The following TBL1X variants were observed in gnomAD, a reference collection of about 807,000 sequenced individuals.
TBL1X encodes transducin beta like 1 X-linked.
Under a neutral mutation model 50.7 loss-of-function variants are expected in TBL1X, and 10 were observed. That is an observed-to-expected ratio of 0.20 (90% CI 0.12 to 0.33). The LOEUF is 0.33. Ranked by LOEUF, TBL1X falls within the 10% of genes least tolerant of loss-of-function variation. The probability of loss-of-function intolerance (pLI) is 1.00; values close to 1 mark genes in which losing one functional copy is unlikely to be tolerated. For missense variants in TBL1X, 340 were observed against 504.4 expected (o/e 0.67, Z 3.12); for synonymous variants, 190 against 214.7 (o/e 0.88, Z 1.01).
chrX:9,716,414 A>G lies in TBL1X; in HGVS notation c.*168A>G. ...TCTATATGTTTTCGTAATCTTCATCAAGAAGTTTTTAAAAGGCAAGCAAAA... is the reference window on the plus strand; with the variant it reads ...TCTATATGTTTTCGTAATCTTCATCGAGAAGTTTTTAAAAGGCAAGCAAAA... On this transcript the variant is annotated 3_prime_UTR_variant, in exon 18 of 18. Transcript: ENST00000645353. The G allele has an allele frequency of 2.0e-6, 1 of 498,785 alleles. No homozygotes were observed. Among genetic ancestry groups the G allele is most frequent in the Non-Finnish European group, 3.2e-6 (1 of 314,645 alleles). The allele number at this position is 498,785 out of a possible 1,213,427, so 41.1% of individuals were successfully genotyped here. A position where few individuals can be genotyped will look rare whatever the true frequency, so the allele number is the denominator to read the frequency against.
chrX:9,618,882 T>C lies in TBL1X; in HGVS notation c.-130-21391T>C, dbSNP rs192089998. Among the ~76,000 whole-genome samples the C allele has an allele frequency of 1.6e-3, 178 of 111,783 alleles. 1 individual carries two copies. The highest frequency in any genetic ancestry group is 2.7e-3 in the Non-Finnish European group (144 of 53,195). On this transcript the variant is annotated intron_variant, in intron 2 of 17. Transcript: ENST00000645353. ...TCCACTTCATATTCCTTGGTAATAT[T>C]GAGACGCTGGTTGTAGTGAAAATAC...
chrX:9,631,102 A>G (rs1032276645), intron 2 of TBL1X, among the ~76,000 whole-genome samples: 1 of 111,499 alleles, frequency 9.0e-6, no homozygotes, highest in African/African-American at 3.3e-5. Context: ...CAGTTTCACA[A>G]TCTCGGCCTC....
intron 2 of TBL1X, among the ~76,000 whole-genome samples, chrX:9,558,617 C>T (rs1601756648): frequency 9.0e-6 from 1 of 110,959 alleles, no homozygotes; most frequent in East Asian, 2.8e-4. Context: ...AAGAAGTGAA[C>T]ATAGTGGTTA....
intron 1 of TBL1X, among the ~76,000 whole-genome samples, chrX:9,500,785 G>T (rs1045120120): frequency 6.2e-5 from 7 of 112,015 alleles, no homozygotes; most frequent in Non-Finnish European, 3.8e-5. Context: ...CCTAACGTCT[G>T]CCGGGGAAGG....
intron 1 of TBL1X, among the ~76,000 whole-genome samples, chrX:9,496,526 C>T (rs911677101): frequency 7.1e-5 from 8 of 112,846 alleles, no homozygotes; most frequent in Admixed American, 3.7e-4. Context: ...TAGATTGAAC[C>T]AAATGACACT....
chrX:9,571,801 C>T (rs1327938664), intron 2 of TBL1X, among the ~76,000 whole-genome samples: 1 of 111,950 alleles, frequency 8.9e-6, no homozygotes, highest in African/African-American at 3.3e-5. Context: ...AACTTGATGA[C>T]TCTGGATACC....
intron 2 of TBL1X, among the ~76,000 whole-genome samples, chrX:9,558,533 G>A (rs1271809868): frequency 4.7e-5 from 5 of 106,690 alleles, no homozygotes; most frequent in Non-Finnish European, 9.7e-5. Flanking sequence ...AAAAAGGAAG[G>A]AAAAAAAAAT....
intron 5 of TBL1X, among the ~76,000 whole-genome samples, chrX:9,655,270 G>A (rs1238138058): frequency 9.0e-6 from 1 of 110,887 alleles, no homozygotes; most frequent in African/African-American, 3.3e-5. Flanking sequence ...AGGTGTAGGC[G>A]GGTCGGTTCC....
intron 2 of TBL1X, among the ~76,000 whole-genome samples, chrX:9,557,310 C>T (rs989080236): frequency 8.9e-6 from 1 of 112,368 alleles, no homozygotes; most frequent in Non-Finnish European, 1.9e-5. Flanking sequence ...TACATATTTT[C>T]GAATGACGAG....
At chrX:9,527,709 T>A (rs987868201) in intron 2 of TBL1X, among the ~76,000 whole-genome samples, 1 of 111,146 alleles carries the variant, frequency 9.0e-6, no homozygotes, top group African/African-American at 3.3e-5. Context: ...AACATGTGAG[T>A]GACTGAGTGT....
chrX:9,685,279 G>A (rs1313862522), intron 6 of TBL1X, among the ~76,000 whole-genome samples: 4 of 111,581 alleles, frequency 3.6e-5, no homozygotes, highest in Non-Finnish European at 5.7e-5. Flanking sequence ...CTTTCTTGCC[G>A]CCTTCACCTG....
At chrX:9,709,820 TG>T in intron 15 of TBL1X, 60 bp downstream of exon 15, 4 of 1,179,167 alleles carry the variant, frequency 3.4e-6, no homozygotes, top group Non-Finnish European at 4.6e-6. Flanking sequence ...CAGGAAATTC[TG>T]CTAAAGCGCG....
chrX:9,705,143 G>A (rs764392469), intron 13 of TBL1X, 29 bp downstream of exon 13: 28 of 1,209,358 alleles, frequency 2.3e-5, no homozygotes, highest in East Asian at 3.0e-5. Flanking sequence ...CACTGGTCTC[G>A]AGTTTGTGAG....
intron 2 of TBL1X, among the ~76,000 whole-genome samples, chrX:9,536,508 C>T (rs1032784401): frequency 1.8e-5 from 2 of 111,079 alleles, no homozygotes; most frequent in Non-Finnish European, 3.8e-5. Flanking sequence ...CCTTGGCCTC[C>T]GAAAGTGCTG....
At chrX:9,681,100 A>G (rs185047097) in intron 5 of TBL1X, among the ~76,000 whole-genome samples, 23 of 112,228 alleles carry the variant, frequency 2.0e-4, no homozygotes, top group Non-Finnish European at 3.2e-4. Context: ...TGTACTCAAC[A>G]TTAAAAACCC....
At chrX:9,572,799 G>T (rs1421372264) in intron 2 of TBL1X, among the ~76,000 whole-genome samples, 1 of 112,635 alleles carries the variant, frequency 8.9e-6, no homozygotes, top group African/African-American at 3.2e-5. Flanking sequence ...CCGATTGCAG[G>T]TGTTGTGGAG....
intron 16 of TBL1X, 146 bp downstream of exon 16, chrX:9,711,922 T>C: frequency 1.7e-6 from 1 of 592,067 alleles, no homozygotes; most frequent in Non-Finnish European, 2.4e-6. Flanking sequence ...GCTGTCCACG[T>C]GCACCCCACG....
At chrX:9,611,746 A>G (rs1388043362) in intron 2 of TBL1X, among the ~76,000 whole-genome samples, 1 of 112,370 alleles carries the variant, frequency 8.9e-6, no homozygotes, top group Admixed American at 9.4e-5. Flanking sequence ...GCTGTTGCCC[A>G]CAAAGCCCAT....
intron 13 of TBL1X, among the ~76,000 whole-genome samples, chrX:9,707,561 C>T (rs943428186): frequency 4.5e-5 from 5 of 112,151 alleles, no homozygotes; most frequent in African/African-American, 9.7e-5. Flanking sequence ...GGCCCAGGAA[C>T]CGGGGCTTGC....
Sources: allele counts gnomAD v4.1 joint callset (sites outside exome capture counted in the v4.1 genomes callset), GRCh38; gene constraint gnomAD v4.1.1; transcripts MANE v1.5; gene names NCBI Gene and HGNC (gene_info 2026-07-23, HGNC 2026-07-21).